Variants in CACNA2D3 observed in about 807,000 individuals in gnomAD.
CACNA2D3 encodes the protein voltage-dependent calcium channel subunit alpha-2/delta-3.
A neutral mutation model predicts 160.6 loss-of-function variants in CACNA2D3; 60 were observed. That is an observed-to-expected ratio of 0.37 (90% CI 0.30 to 0.46). The LOEUF (loss-of-function observed/expected upper bound fraction) is 0.46, where lower values mean the gene tolerates loss of function less well. Ranked by LOEUF, CACNA2D3 falls within the 20% of genes least tolerant of loss-of-function variation. The pLI is 1.00. For missense variants in CACNA2D3, 1,205 were observed against 1,365.0 expected (o/e 0.88, Z 1.85); for synonymous variants, 558 against 492.9 (o/e 1.13, Z -1.75).
At position 55,073,542 on chromosome 3, in the gene CACNA2D3, C is replaced by T; in HGVS notation, c.3085C>T (p.Pro1029Ser). 2 of 1,613,484 alleles carry T rather than the reference C, an allele frequency of 1.2e-6. No individual in the cohort carries two copies. The highest frequency in any genetic ancestry group is 1.3e-5 in the African/African-American group (1 of 75,014). Reference protein sequence around the residue: ...CESVAPITMAPIEIRYNESLK... With the variant: ...CESVAPITMASIEIRYNESLK... ...ATCTGTGGCCCCCATCACCATGGCA[C>T]CCATTGAAATCAGGTATATCCTTTT... is the stretch of plus-strand genomic sequence containing the variant. Residue 1029 changes from proline to serine, a missense_variant, in exon 36 of 38, where the codon CCC becomes TCC. By Grantham distance (74) the Pro-to-Ser change is moderately conservative. Coordinates refer to ENST00000474759, the MANE Select transcript of CACNA2D3 (RefSeq NM_018398.3).
At chr3:54,719,514 A>G (rs1701129731) in intron 11 of CACNA2D3, among the ~76,000 whole-genome samples, 1 of 152,030 alleles carries the variant, frequency 6.6e-6, no homozygotes, top group Non-Finnish European at 1.5e-5. Flanking sequence ...CAACTTTGTC[A>G]TAATATATTA....
At chr3:54,319,834 C>T (rs896256540) in intron 2 of CACNA2D3, among the ~76,000 whole-genome samples, 15 of 152,006 alleles carry the variant, frequency 9.9e-5, no homozygotes, top group African/African-American at 3.6e-4. Flanking sequence ...AATAACAATA[C>T]TTTCCAGAAT....
intron 10 of CACNA2D3, 21 bp downstream of exon 10, chr3:54,627,897 C>T (rs765103440): frequency 2.0e-6 from 3 of 1,478,364 alleles, no homozygotes; most frequent in East Asian, 2.3e-5. Flanking sequence ...CTTTGATTTG[C>T]CTTTCTCATC....
At chr3:54,653,912 G>C (rs71301897) in intron 11 of CACNA2D3, among the ~76,000 whole-genome samples, 1 of 152,142 alleles carries the variant, frequency 6.6e-6, no homozygotes, top group Non-Finnish European at 1.5e-5. Context: ...TGGCTATCTA[G>C]GTAGCCACTC....
intron 13 of CACNA2D3, among the ~76,000 whole-genome samples, chr3:54,797,748 A>G (rs1441500307): frequency 6.6e-6 from 1 of 152,172 alleles, no homozygotes; most frequent in African/African-American, 2.4e-5. Flanking sequence ...CCTTTTTGTC[A>G]TTCTCTCAGT....
intron 13 of CACNA2D3, among the ~76,000 whole-genome samples, chr3:54,766,099 A>G (rs1419469041): frequency 2.0e-5 from 3 of 152,320 alleles, no homozygotes; most frequent in African/African-American, 7.2e-5. Flanking sequence ...GGCAATAAAG[A>G]GAAAGATAAA....
chr3:54,495,027 G>C (rs559053432), intron 4 of CACNA2D3, among the ~76,000 whole-genome samples: 1 of 152,286 alleles, frequency 6.6e-6, no homozygotes, highest in East Asian at 1.9e-4. Context: ...TGGGGACATA[G>C]AGCCAAACCA....
intron 35 of CACNA2D3, among the ~76,000 whole-genome samples, chr3:55,057,527 A>G (rs1206568375): frequency 2.6e-5 from 4 of 152,184 alleles, no homozygotes; most frequent in African/African-American, 9.7e-5. Context: ...GAGAAATGTG[A>G]GATTTTTTTT....
chr3:54,635,592 T>A (rs1054985095), intron 10 of CACNA2D3, among the ~76,000 whole-genome samples: 1 of 152,048 alleles, frequency 6.6e-6, no homozygotes, highest in Non-Finnish European at 1.5e-5. Context: ...TTAAATGGGC[T>A]GTACCTTGTA....
At chr3:54,459,471 G>T (rs1254856242) in intron 4 of CACNA2D3, among the ~76,000 whole-genome samples, 1 of 151,164 alleles carries the variant, frequency 6.6e-6, no homozygotes, top group Non-Finnish European at 1.5e-5. Flanking sequence ...ATTCTAACTG[G>T]TGTGAGATGG....
At chr3:54,419,923 G>A (rs1187308698) in intron 4 of CACNA2D3, among the ~76,000 whole-genome samples, 1 of 151,960 alleles carries the variant, frequency 6.6e-6, no homozygotes. Flanking sequence ...GCGCCACCAT[G>A]CCTGGCTAAT....
chr3:54,736,429 T>C, intron 11 of CACNA2D3, among the ~76,000 whole-genome samples: 1 of 152,080 alleles, frequency 6.6e-6, no homozygotes, highest in East Asian at 1.9e-4. Flanking sequence ...TTCCTTGTGT[T>C]GATTTCCTAG....
intron 25 of CACNA2D3, among the ~76,000 whole-genome samples, chr3:54,895,758 C>A (rs904327081): frequency 6.6e-6 from 1 of 152,188 alleles, no homozygotes; most frequent in Non-Finnish European, 1.5e-5. Flanking sequence ...GTCATCCCCC[C>A]ACCGCCTGAG....
intron 4 of CACNA2D3, among the ~76,000 whole-genome samples, chr3:54,416,013 A>C (rs530774980): frequency 6.6e-6 from 1 of 152,144 alleles, no homozygotes; most frequent in African/African-American, 2.4e-5. Context: ...CGTGAAACCC[A>C]AAAAAACCCC....
At chr3:54,393,871 TG>T (rs1699325978) in intron 4 of CACNA2D3, among the ~76,000 whole-genome samples, 2 of 152,212 alleles carry the variant, frequency 1.3e-5, no homozygotes, top group Admixed American at 1.3e-4. Flanking sequence ...TTGCAGAGTA[TG>T]AGACACCCGT....
intron 3 of CACNA2D3, among the ~76,000 whole-genome samples, chr3:54,363,783 G>A (rs1390557976): frequency 6.6e-6 from 1 of 152,216 alleles, no homozygotes; most frequent in East Asian, 1.9e-4. Context: ...GGATGGTGAA[G>A]TAACAGAGGT....
At chr3:54,640,273 G>A (rs879943613) in intron 10 of CACNA2D3, among the ~76,000 whole-genome samples, 5 of 152,116 alleles carry the variant, frequency 3.3e-5, no homozygotes, top group Admixed American at 6.5e-5. Flanking sequence ...GTGCTGTGTG[G>A]GCACTTAGCA....
chr3:55,051,895 T>C (rs1214278928), intron 35 of CACNA2D3, among the ~76,000 whole-genome samples: 3 of 152,200 alleles, frequency 2.0e-5, no homozygotes, highest in African/African-American at 7.2e-5. Context: ...CCCCTTTCTT[T>C]GAGTCAGAAA....
At chr3:54,145,613 G>A (rs564356139) in intron 2 of CACNA2D3, among the ~76,000 whole-genome samples, 11 of 152,290 alleles carry the variant, frequency 7.2e-5, no homozygotes, top group Admixed American at 1.3e-4. Context: ...GGGGCTCTGC[G>A]ATCTACGTTT....
Sources: allele counts gnomAD v4.1 joint callset (sites outside exome capture counted in the v4.1 genomes callset), GRCh38; gene constraint gnomAD v4.1.1; transcripts MANE v1.5; gene names NCBI Gene and HGNC (gene_info 2026-07-23, HGNC 2026-07-21).